AGAP1: variants seen among roughly 807,000 people sequenced by gnomAD.
AGAP1 encodes ArfGAP with GTPase domain, ankyrin repeat and PH domain 1.
In AGAP1, 29 loss-of-function variants were observed where a neutral mutation model predicts 105.3. The observed-to-expected ratio is 0.28, with a 90% CI of 0.21 to 0.38. The LOEUF (loss-of-function observed/expected upper bound fraction) is 0.38, where lower values mean the gene tolerates loss of function less well. Among genes scored for constraint, AGAP1 ranks in the 10% least tolerant of loss-of-function variants. The probability of loss-of-function intolerance (pLI) is 1.00; values close to 1 mark genes in which losing one functional copy is unlikely to be tolerated. For synonymous variants in AGAP1, 509 were observed against 485.9 expected, an observed-to-expected ratio of 1.05 and a Z score of -0.63; for missense variants, 998 against 1,165.1, an observed-to-expected ratio of 0.86 and a Z score of 2.09.
At position 235,622,782 on chromosome 2, in the gene AGAP1, G is replaced by A. The variant is rs962113356; in HGVS notation, c.164-86397G>A. Among the ~76,000 whole-genome samples, 1 of 151,962 alleles carries A rather than the reference G, an allele frequency of 6.6e-6. No homozygotes were observed. Among genetic ancestry groups the A allele is most frequent in the Non-Finnish European group, 1.5e-5 (1 of 68,010 alleles). On this transcript the variant is annotated intron_variant, in intron 1 of 17. Transcript: ENST00000304032. The surrounding 1 kb of genome is among the most constrained non-coding windows in gnomAD (Gnocchi z 5.0). ...AGCGCTAAGCCATTTTCCCAGGCCG[G>A]GTTATGCAGTGAGACTTCAGGGCAG...
chr2:236,023,187 A>G (rs1315869974), intron 13 of AGAP1, among the ~76,000 whole-genome samples: 1 of 152,088 alleles, frequency 6.6e-6, no homozygotes, highest in Non-Finnish European at 1.5e-5. Context: ...CTACCTGGAG[A>G]ACTGTGTGAA....
chr2:235,738,176 G>A (rs1025482947), intron 3 of AGAP1, among the ~76,000 whole-genome samples: 11 of 152,108 alleles, frequency 7.2e-5, no homozygotes, highest in Admixed American at 6.5e-4. Flanking sequence ...AAGAAGTGTG[G>A]GTGATTTCAA....
rs1288583412 is a variant in AGAP1, at chr2:235,612,717, T to C, written c.164-96462T>C. ...GGCACAGTGGTCCTTTTGCATGGGG[T>C]GGCCGGCCAGGTGTGCTGAGTGCCA... On this transcript the variant is annotated intron_variant, in intron 1 of 17. Transcript: ENST00000304032. The surrounding 1 kb of genome is among the most constrained non-coding windows in gnomAD (Gnocchi z 4.3). 2.7e-5 allele frequency among the ~76,000 whole-genome samples: 4 copies of C among 150,258 alleles called. No individual in the cohort carries two copies. Among genetic ancestry groups the C allele is most frequent in the African/African-American group, 9.9e-5 (4 of 40,564 alleles).
At chr2:235,935,370 A>T (rs2052938261) in intron 12 of AGAP1, among the ~76,000 whole-genome samples, 2 of 152,204 alleles carry the variant, frequency 1.3e-5, no homozygotes, top group Non-Finnish European at 2.9e-5. Context: ...GAGCCTCTGC[A>T]TTGAAAAAGG....
intron 1 of AGAP1, among the ~76,000 whole-genome samples, chr2:235,674,711 G>A (rs1481176600): frequency 1.5e-5 from 1 of 68,836 alleles, no homozygotes; most frequent in Non-Finnish European, 2.7e-5. Flanking sequence ...TTTTTTTTTT[G>A]ATGGAGTCTC....
intron 11 of AGAP1, among the ~76,000 whole-genome samples, chr2:235,914,654 CAG>C (rs1208500678): frequency 6.6e-6 from 1 of 152,174 alleles, no homozygotes; most frequent in African/African-American, 2.4e-5. Flanking sequence ...CACGCACTGT[CAG>C]AGCAGCTGCC....
chr2:235,735,842 A>T (rs1277733456), intron 3 of AGAP1, among the ~76,000 whole-genome samples: 1 of 152,058 alleles, frequency 6.6e-6, no homozygotes, highest in Non-Finnish European at 1.5e-5. Flanking sequence ...CAGAAACCTA[A>T]TACATTGCAC....
chr2:236,119,305 C>T lies in AGAP1; in HGVS notation c.2115-887C>T, dbSNP rs2059845911. The stretch of plus-strand genomic sequence containing the variant: ...CCTGCCTGTTTCCCAGGCCCTGGAA[C>T]AGTTTCCCCCAAAAAACTCAGCCAT... On this transcript the variant is annotated intron_variant, in intron 16 of 17. Transcript: ENST00000304032. The surrounding 1 kb of genome is among the most constrained non-coding windows in gnomAD (Gnocchi z 6.6). Among the ~76,000 whole-genome samples the T allele has an allele frequency of 6.6e-6, 1 of 152,182 alleles. No individual in the cohort carries two copies.
rs902269282 is a variant in AGAP1, at chr2:236,036,667, G to A, written c.1752G>A (p.Glu584=). ...GGGACGCCTGGGTCCAAGCCATCGA[G>A]AGCCAGATCCTGGCCAGCCTGCAGT... ...EERDAWVQAI[E]SQILASLQSC... is the part of the protein sequence containing the mutation. The change falls in exon 14 of 18, where the codon GAG becomes GAA. Residue 584 remains glutamate (E), a synonymous_variant. Transcript: ENST00000304032. The surrounding 1 kb of genome is among the most constrained non-coding windows in gnomAD (Gnocchi z 5.7). 4.3e-6 allele frequency: 7 copies of A among 1,614,096 alleles called. No individual in the cohort carries two copies. Among genetic ancestry groups the A allele is most frequent in the Non-Finnish European group, 5.9e-6 (7 of 1,180,046 alleles).
intron 13 of AGAP1, among the ~76,000 whole-genome samples, chr2:236,013,607 G>C (rs1476545071): frequency 6.6e-6 from 1 of 151,988 alleles, no homozygotes; most frequent in African/African-American, 2.4e-5. Context: ...GATAAGTGCT[G>C]CTCACCTGCA....
chr2:235,567,892 G>C (rs1355001032), intron 1 of AGAP1, among the ~76,000 whole-genome samples: 1 of 152,100 alleles, frequency 6.6e-6, no homozygotes, highest in Admixed American at 6.5e-5. Context: ...ATATGCGGAG[G>C]GGCTTGAAAA....
At position 236,083,881 on chromosome 2, in the gene AGAP1, G is replaced by A. The variant is rs922307507; in HGVS notation, c.2114+34600G>A. Among the ~76,000 whole-genome samples the A allele has an allele frequency of 3.3e-5, 5 of 152,102 alleles. No individual in the cohort carries two copies. The highest frequency in any genetic ancestry group is 4.1e-4 in the South Asian group (2 of 4,820). ...GAATCCGAGATAAATGGGCATGTGC[G>A]TGTGTATGCACACACACGTGCACAC... On this transcript the variant is annotated intron_variant, in intron 16 of 17. Transcript: ENST00000304032. The surrounding 1 kb of genome is among the most constrained non-coding windows in gnomAD (Gnocchi z 5.3).
rs533713317 is a variant in AGAP1 at position 235,866,814 on chromosome 2, G to A, written c.1051-16531G>A. Among the ~76,000 whole-genome samples the A allele has an allele frequency of 2.0e-5, 3 of 152,270 alleles. No individual in the cohort carries two copies. The highest frequency in any genetic ancestry group is 1.9e-4 in the East Asian group (1 of 5,172). ...CTGTGTCTTCACGTGGTCTTTCTCCGTGAGTGTCTGTGTCCTGATCTTTTC... is the reference window on the plus strand; with the variant it reads ...CTGTGTCTTCACGTGGTCTTTCTCCATGAGTGTCTGTGTCCTGATCTTTTC... On this transcript the variant is annotated intron_variant, in intron 9 of 17. Coordinates refer to ENST00000304032, the MANE Select transcript of AGAP1 (RefSeq NM_001037131.3). This position sits in a 1 kb window ranked among gnomAD's most constrained non-coding sequence, Gnocchi z 6.1.
intron 11 of AGAP1, among the ~76,000 whole-genome samples, chr2:235,929,563 C>T (rs924851303): frequency 1.3e-5 from 2 of 151,994 alleles, no homozygotes; most frequent in African/African-American, 2.4e-5. Flanking sequence ...GTTTGTTAAT[C>T]GCTGATTGGG....
At chr2:235,778,650 G>A (rs1439079619) in intron 6 of AGAP1, among the ~76,000 whole-genome samples, 2 of 152,190 alleles carry the variant, frequency 1.3e-5, no homozygotes, top group African/African-American at 4.8e-5. Flanking sequence ...TGGAGACGCA[G>A]TGCCAGGGTC....
At chr2:235,884,843 G>C (rs2050194498) in intron 10 of AGAP1, among the ~76,000 whole-genome samples, 2 of 148,496 alleles carry the variant, frequency 1.3e-5, no homozygotes, top group Non-Finnish European at 3.0e-5. Context: ...CACTGTGTCA[G>C]GCTAGTAGTA....
Position 235,867,248 on chromosome 2 carries a change from G to C in AGAP1, c.1051-16097G>C, listed in dbSNP as rs2049216554. Among the ~76,000 whole-genome samples the C allele has an allele frequency of 6.6e-6, 1 of 152,184 alleles. No homozygotes were observed. The highest frequency in any genetic ancestry group is 6.5e-5 in the Admixed American group (1 of 15,288). ...GTCTTCTATAAAAGGCTGGAGAGGA[G>C]GTATGTTAGGCTTCATGGGTCGTGT... On this transcript the variant is annotated intron_variant, in intron 9 of 17. Coordinates refer to ENST00000304032, the MANE Select transcript of AGAP1 (RefSeq NM_001037131.3). This position sits in a 1 kb window ranked among gnomAD's most constrained non-coding sequence, Gnocchi z 5.4.
In AGAP1 at chr2:236,082,844, C is replaced by T. The variant is rs888496994; in HGVS notation, c.2114+33563C>T. On this transcript the variant is annotated intron_variant, in intron 16 of 17. Coordinates refer to ENST00000304032, the MANE Select transcript of AGAP1 (RefSeq NM_001037131.3). The surrounding 1 kb of genome is among the most constrained non-coding windows in gnomAD (Gnocchi z 4.2). ...AGCCGAGATTGCACCCATTGCACTC[C>T]AGCCTGGAGGACAAGAGCAAAACTC... Among the ~76,000 whole-genome samples, 3 of 150,386 alleles carry T rather than the reference C, an allele frequency of 2.0e-5. No homozygotes were observed. The highest frequency in any genetic ancestry group is 7.4e-5 in the African/African-American group (3 of 40,670).
At chr2:235,652,632 C>A (rs1436287811) in intron 1 of AGAP1, among the ~76,000 whole-genome samples, 1 of 152,062 alleles carries the variant, frequency 6.6e-6, no homozygotes, top group African/African-American at 2.4e-5. Context: ...TGGCTCACAC[C>A]CGTAATCCCA....
Sources: allele counts gnomAD v4.1 joint callset (sites outside exome capture counted in the v4.1 genomes callset), GRCh38; gene constraint gnomAD v4.1.1; non-coding constraint Gnocchi (gnomAD v3.1); transcripts MANE v1.5; gene names NCBI Gene and HGNC (gene_info 2026-07-23, HGNC 2026-07-21).